The following PLCB3 variants were observed in gnomAD, a reference collection of about 807,000 sequenced individuals.
PLCB3 encodes the protein 1-phosphatidylinositol 4,5-bisphosphate phosphodiesterase beta-3.
Under a neutral mutation model 152.1 loss-of-function variants are expected in PLCB3, and 54 were observed. The ratio of observed to expected loss-of-function variants is 0.36; its 90% confidence interval spans 0.29 to 0.45. The LOEUF (loss-of-function observed/expected upper bound fraction) is 0.45. Among genes scored for constraint, PLCB3 ranks in the 20% least tolerant of loss-of-function variants. The probability of loss-of-function intolerance (pLI) is 1.00; values close to 1 mark genes in which losing one functional copy is unlikely to be tolerated. For missense variants in PLCB3, 1,248 were observed against 1,687.5 expected, an observed-to-expected ratio of 0.74 and a Z score of 4.56; for synonymous variants, 717 against 698.7, an observed-to-expected ratio of 1.03 and a Z score of -0.41.
chr11:64,265,177 G>A lies in PLCB3; in HGVS notation c.2807-15G>A, dbSNP rs1338950371. 2.5e-6 allele frequency: 4 copies of A among 1,589,004 alleles called. No individual in the cohort carries two copies. Among genetic ancestry groups the A allele is most frequent in the South Asian group, 1.1e-5 (1 of 87,908 alleles). On this transcript the variant is annotated splice_polypyrimidine_tract_variant and intron_variant, in intron 23 of 30. Coordinates refer to ENST00000279230, the MANE Select transcript of PLCB3 (RefSeq NM_000932.5). The stretch of plus-strand genomic sequence containing the variant: ...ACCCTGTCCTCCAGCTCCTCACAGG[G>A]CCTCTGCTCCCCAGGGCAGCGTGAT...
Position 64,265,502 on chromosome 11 carries a change from TGTGA to T in PLCB3, c.3035+4_3035+7del, listed in dbSNP as rs1341503694. On this transcript the variant is annotated splice_donor_variant and splice_donor_region_variant and intron_variant, in intron 25 of 30. Coordinates refer to ENST00000279230, the MANE Select transcript of PLCB3 (RefSeq NM_000932.5). LOFTEE classifies it high-confidence loss of function. ...AGGTGCCGGCTGCGGCCAGGTGCCC[TGTGA>T]GTGTCTGGGCCGCCTGTGTGCTATG... 3 of 1,595,378 alleles carry T rather than the reference TGTGA, an allele frequency of 1.9e-6. No individual in the cohort carries two copies. In the Admixed American group the frequency reaches 5.0e-5, roughly 27 times the overall value.
rs555977425 is a variant in PLCB3, at chr11:64,267,089, C to T, written c.3415-96C>T. The T allele has an allele frequency of 1.7e-4, 182 of 1,094,222 alleles. 1 individual carries two copies. Among genetic ancestry groups the T allele is most frequent in the South Asian group, 3.0e-4 (22 of 73,412 alleles). The allele number at this position is 1,094,222 out of a possible 1,614,324, so 67.8% of individuals were successfully genotyped here. ...GATTATAGATGTGAGCCACTGCACCCGGCCTCGCCCACCTGACTTCTATAC... is the reference window on the plus strand; with the variant it reads ...GATTATAGATGTGAGCCACTGCACCTGGCCTCGCCCACCTGACTTCTATAC... On this transcript the variant is annotated intron_variant, in intron 29 of 30. Coordinates refer to ENST00000279230, the MANE Select transcript of PLCB3 (RefSeq NM_000932.5). The surrounding 1 kb of genome is among the most constrained non-coding windows in gnomAD (Gnocchi z 5.2).
At position 64,267,737 on chromosome 11, in the gene PLCB3, TCA is replaced by T. The variant is rs1455546777; in HGVS notation, c.*182_*183del. On this transcript the variant is annotated 3_prime_UTR_variant, in exon 31 of 31. Transcript: ENST00000279230. This position sits in a 1 kb window ranked among gnomAD's most constrained non-coding sequence, Gnocchi z 5.2. ...CTCCTGGGGCCCCTCCTTCCTGCCC[TCA>T]GTCTTAGGTTAGGGCCTTGGTCAGG... 3.3e-6 allele frequency: 2 copies of T among 597,122 alleles called. No homozygotes were observed. The highest frequency in any genetic ancestry group is 5.8e-6 in the Non-Finnish European group (2 of 343,184). The allele number at this position is 597,122 out of a possible 1,614,324, so 37.0% of individuals were successfully genotyped here. A position where few individuals can be genotyped will look rare whatever the true frequency, so the allele number is the denominator to read the frequency against.
Position 64,259,237 on chromosome 11 carries a change from G to A in PLCB3, c.1518G>A (p.Pro506=), listed in dbSNP as rs770265455. The A allele has an allele frequency of 7.2e-6, 11 of 1,534,568 alleles. No homozygotes were observed. Among genetic ancestry groups the A allele is most frequent in the South Asian group, 4.8e-5 (4 of 84,086 alleles). The change falls in exon 13 of 31, where the codon CCG becomes CCA. Residue 506 remains proline (P), a synonymous_variant. Transcript: ENST00000279230. ...ESSAATEPSS[P]QLGSPSSDSC... ...CCGCGGCCACCGAGCCCTCCTCCCC[G>A]CAGCTGGGTAGGCCCCAGCCCGGCC... is the stretch of plus-strand genomic sequence containing the variant.
chr11:64,263,902 A>G (rs1345244478), intron 21 of PLCB3, 107 bp downstream of exon 21: 1 of 1,184,574 alleles, frequency 8.4e-7, no homozygotes, highest in East Asian at 2.3e-5. Context: ...TGAGTAGGGA[A>G]CTGAGTAGGG....
intron 1 of PLCB3, among the ~76,000 whole-genome samples, chr11:64,254,143 C>T (rs1308276941): frequency 6.6e-6 from 1 of 152,016 alleles, no homozygotes; most frequent in Non-Finnish European, 1.5e-5. Context: ...GAACATGAGA[C>T]AAAGCCCTGG....
intron 1 of PLCB3, among the ~76,000 whole-genome samples, chr11:64,252,329 A>C (rs565921885): frequency 2.7e-4 from 38 of 138,816 alleles, no homozygotes; most frequent in Non-Finnish European, 4.5e-4. Context: ...TTTGCCCCCC[A>C]AGTTCCTCCA....
At chr11:64,268,262 C>G (rs932539147), downstream of PLCB3, among the ~76,000 whole-genome samples, 1 of 152,194 alleles carries the variant, frequency 6.6e-6, no homozygotes, top group Non-Finnish European at 1.5e-5. Flanking sequence ...TAGTATCTTC[C>G]GCTGGGGCTG....
intron 22 of PLCB3, 40 bp from the exon 23 acceptor site, chr11:64,264,911 A>G (rs981878403): frequency 6.2e-7 from 1 of 1,608,000 alleles, no homozygotes; most frequent in Non-Finnish European, 8.5e-7. Context: ...TCTGGAGGGA[A>G]CAGCATTTCT....
chr11:64,251,777 A>C, intron 1 of PLCB3, 29 bp downstream of exon 1: 1 of 1,282,356 alleles, frequency 7.8e-7, no homozygotes, highest in African/African-American at 1.6e-5. Context: ...GCTCCGCCCA[A>C]ATCCCGGGAC....
In PLCB3 at chr11:64,260,248, G is replaced by T. The variant is rs1288022725; in HGVS notation, c.1731+14G>T. 2 of 1,540,224 alleles carry T rather than the reference G, an allele frequency of 1.3e-6. No individual in the cohort carries two copies. Among genetic ancestry groups the T allele is most frequent in the Non-Finnish European group, 1.8e-6 (2 of 1,139,500 alleles). On this transcript the variant is annotated intron_variant, in intron 14 of 30. Transcript: ENST00000279230. ...ACTACAGATGAGGTCAGGCCCACAG[G>T]GTGGGCAGGTCGGGGAGGTAGCATC...
At position 64,261,716 on chromosome 11, in the gene PLCB3, G is replaced by A. The variant is rs781034052; in HGVS notation, c.1913+51G>A. On this transcript the variant is annotated intron_variant, in intron 16 of 30. Transcript: ENST00000279230. ...GGCAGGCCAGGGTGGGGCGCTCGGA[G>A]GCCGGCTCCGGTGTTCTGTCCCCAC... The A allele has an allele frequency of 3.3e-6, 5 of 1,535,060 alleles. No homozygotes were observed. In the Admixed American group the frequency reaches 5.0e-5, roughly 15 times the overall value.
At chr11:64,256,997 C>CTTTTTTTTTTTTTTTT (rs5792316) in intron 10 of PLCB3, among the ~76,000 whole-genome samples, 7 of 61,558 alleles carry the variant, frequency 1.1e-4, no homozygotes, top group Non-Finnish European at 1.4e-4. Flanking sequence ...CTTCAGGGTC[C>CTTTTTTTTTTTTTTTT]TTTTTTTTTT....
chr11:64,258,327 C>A lies in PLCB3; in HGVS notation c.1013-146C>A. On this transcript the variant is annotated intron_variant, in intron 10 of 30. Coordinates refer to ENST00000279230, the MANE Select transcript of PLCB3 (RefSeq NM_000932.5). This position sits in a 1 kb window ranked among gnomAD's most constrained non-coding sequence, Gnocchi z 7.2. ...CTCAGGGATGACTCCCCCCAGCTCACGCTGGTGGGATGGACAGGTGGTGGG... is the reference window on the plus strand; with the variant it reads ...CTCAGGGATGACTCCCCCCAGCTCAAGCTGGTGGGATGGACAGGTGGTGGG... The A allele has an allele frequency of 1.2e-6, 1 of 869,030 alleles. No individual in the cohort carries two copies. 53.8% of individuals were successfully genotyped at this position (869,030 alleles called of 1,614,324 possible).
intron 8 of PLCB3, 39 bp from the exon 9 acceptor site, chr11:64,256,337 G>C: frequency 6.3e-7 from 1 of 1,596,224 alleles, no homozygotes; most frequent in Non-Finnish European, 8.5e-7. Flanking sequence ...TGGGAGCCCT[G>C]CCAGGCTCCA....
chr11:64,261,678 G>A lies in PLCB3; in HGVS notation c.1913+13G>A. On this transcript the variant is annotated intron_variant, in intron 16 of 30. Coordinates refer to ENST00000279230, the MANE Select transcript of PLCB3 (RefSeq NM_000932.5). ...TGGAGTTTGTGGAGTATCCTTTGAA[G>A]GTGCTGTGGGCGGGCAGGCCAGGGT... The A allele has an allele frequency of 1.2e-6, 2 of 1,611,716 alleles. No individual in the cohort carries two copies.
rs768405507 is a variant in PLCB3 at position 64,264,058 on chromosome 11, C to G, written c.2598C>G (p.Val866=). ...CCCTGATCAACCCCATTAAGCACGT[C>G]AGCCTGATGGACCAGAGGGCCCGGC... ...AEALINPIKH[V]SLMDQRARQL... is the part of the protein sequence containing the mutation. Residue 866 remains valine (V), a synonymous_variant, in exon 22 of 31, where the codon GTC becomes GTG. Coordinates refer to ENST00000279230, the MANE Select transcript of PLCB3 (RefSeq NM_000932.5). 1.9e-6 allele frequency: 3 copies of G among 1,566,668 alleles called. No homozygotes were observed. The East Asian group carries it at 6.8e-5, about 35-fold the overall frequency.
At chr11:64,254,305 G>A (rs531146867) in intron 1 of PLCB3, 110 bp from the exon 2 acceptor site, 20 of 872,922 alleles carry the variant, frequency 2.3e-5, no homozygotes, top group South Asian at 9.8e-5. Context: ...ATGAGGTTTC[G>A]TCTTAGCTCA....
Position 64,267,165 on chromosome 11 carries a change from GC to G in PLCB3, c.3415-17del. ...CCCTCCCTCAGGGCCCCTCAGCTGA[GC>G]CCTTGCCCACCCCTGTAGCTGGAGG... On this transcript the variant is annotated intron_variant, in intron 29 of 30. Transcript: ENST00000279230. The surrounding 1 kb of genome is among the most constrained non-coding windows in gnomAD (Gnocchi z 5.2). 1 of 1,548,664 alleles carries G rather than the reference GC, an allele frequency of 6.5e-7. No homozygotes were observed. Among genetic ancestry groups the G allele is most frequent in the Middle Eastern group, 2.1e-4 (1 of 4,656 alleles).
Sources: gnomAD v4.1 joint callset for allele counts (sites outside exome capture counted in the v4.1 genomes callset) on GRCh38, gnomAD v4.1.1 for gene constraint, Gnocchi (gnomAD v3.1) non-coding constraint, MANE v1.5 for transcripts, NCBI Gene and HGNC (gene_info 2026-07-23, HGNC 2026-07-21) for gene names.